The following CPVL variants were observed in gnomAD, a reference collection of about 807,000 sequenced individuals.
CPVL encodes probable serine carboxypeptidase CPVL.
In CPVL, 51 loss-of-function variants were observed where a neutral mutation model predicts 63.7. The ratio of observed to expected loss-of-function variants is 0.80; its 90% CI spans 0.64 to 1.01. The LOEUF is 1.01. CPVL is among the 50% of genes least tolerant of loss of function. CPVL has a pLI of 0.00. For synonymous variants in CPVL, 195 were observed against 206.0 expected, an observed-to-expected ratio of 0.95 and a Z score of 0.46; for missense variants, 530 against 573.1, an observed-to-expected ratio of 0.92 and a Z score of 0.77.
At chr7:29,147,169 T>A, upstream of CPVL, 1 of 665,786 alleles carries the variant, frequency 1.5e-6, no homozygotes, top group Non-Finnish European at 2.5e-6. Flanking sequence ...GTGCTGGGCA[T>A]CGAGCCAGAC....
chr7:29,067,375 AGTTGGAAGT>A (rs1482901596), intron 9 of CPVL, among the ~76,000 whole-genome samples: 1 of 152,200 alleles, frequency 6.6e-6, no homozygotes, highest in African/African-American at 2.4e-5. Context: ...AGGCAGACAC[AGTTGGAAGT>A]GGTCAGAGGC....
chr7:29,093,831 T>C (rs890181457), intron 5 of CPVL, among the ~76,000 whole-genome samples: 4 of 152,176 alleles, frequency 2.6e-5, no homozygotes, highest in African/African-American at 4.8e-5. Context: ...AAAGAGCATG[T>C]TGACATTTTT....
chr7:29,195,147 C>A, exon 1 of CPVL: 1 of 676,438 alleles, frequency 1.5e-6, no homozygotes, highest in Non-Finnish European at 2.3e-6. Flanking sequence ...GGTTCGCCAG[C>A]ACCTCGGTGC....
At chr7:29,194,230 C>T (rs1427412642) in intron 1 of CPVL, 6 of 150,734 alleles carry the variant, frequency 4.0e-5, no homozygotes, top group African/African-American at 4.9e-5. Flanking sequence ...CTAGGAGCAG[C>T]GCTGCGCGCA....
At chr7:29,187,019 G>C (rs2128749794) in intron 1 of CPVL, among the ~76,000 whole-genome samples, 1 of 152,232 alleles carries the variant, frequency 6.6e-6, no homozygotes, top group East Asian at 1.9e-4. Context: ...ATTGTTATGG[G>C]TATATGACAA....
At chr7:29,106,339 G>A (rs577103707) in intron 3 of CPVL, among the ~76,000 whole-genome samples, 1 of 152,202 alleles carries the variant, frequency 6.6e-6, no homozygotes, top group African/African-American at 2.4e-5. Context: ...GGTATATTGT[G>A]TTCATACTGG....
intron 3 of CPVL, among the ~76,000 whole-genome samples, chr7:29,112,351 C>T (rs1788325944): frequency 6.6e-6 from 1 of 152,092 alleles, no homozygotes; most frequent in East Asian, 1.9e-4. Context: ...ACTTCCTATC[C>T]TCCTTGGGCT....
At chr7:29,138,228 C>G (rs1791449148) in intron 1 of CPVL, among the ~76,000 whole-genome samples, 1 of 152,150 alleles carries the variant, frequency 6.6e-6, no homozygotes, top group African/African-American at 2.4e-5. Flanking sequence ...CACCAGAGGT[C>G]AGGAGTTCCA....
At chr7:29,095,913 G>A (rs1403871599) in intron 4 of CPVL, among the ~76,000 whole-genome samples, 190 bp downstream of exon 4, 5 of 152,170 alleles carry the variant, frequency 3.3e-5, no homozygotes, top group African/African-American at 1.2e-4. Context: ...AAGGGAGAAA[G>A]CAGCCCAGTC....
chr7:29,170,558 AT>A (rs769191115), intron 5 of CPVL, among the ~76,000 whole-genome samples: 39 of 152,314 alleles, frequency 2.6e-4, no homozygotes, highest in Admixed American at 5.2e-4. Flanking sequence ...TTCACTGAAT[AT>A]TTTGAAGAAA....
chr7:29,187,331 G>A (rs1392098680), intron 1 of CPVL, among the ~76,000 whole-genome samples: 9 of 150,776 alleles, frequency 6.0e-5, no homozygotes, highest in Non-Finnish European at 1.3e-4. Flanking sequence ...CTAGTGGTGT[G>A]TGTGTTTGTG....
intron 2 of CPVL, 129 bp downstream of exon 2, chr7:29,120,764 T>C (rs1029655161): frequency 4.8e-6 from 4 of 830,282 alleles, no homozygotes; most frequent in Non-Finnish European, 5.5e-6. Flanking sequence ...GAGGTTGCAG[T>C]GAGCTGAGAT....
chr7:29,139,817 C>A (rs1475491634), intron 1 of CPVL, among the ~76,000 whole-genome samples: 3 of 152,084 alleles, frequency 2.0e-5, no homozygotes, highest in Non-Finnish European at 4.4e-5. Flanking sequence ...TACCAACATG[C>A]CAATAGTTAG....
chr7:29,116,378 TA>T (rs1264247153), intron 2 of CPVL, among the ~76,000 whole-genome samples: 1 of 152,260 alleles, frequency 6.6e-6, no homozygotes, highest in Non-Finnish European at 1.5e-5. Context: ...TGCATCCTTC[TA>T]TTAATGGAAT....
intron 12 of CPVL, among the ~76,000 whole-genome samples, chr7:28,998,142 T>G (rs553251000): frequency 1.4e-4 from 22 of 152,216 alleles, no homozygotes; most frequent in Non-Finnish European, 2.4e-4. Context: ...TAGACATTTC[T>G]TCCTGCAGAT....
intron 12 of CPVL, among the ~76,000 whole-genome samples, chr7:29,019,466 T>C (rs1196368316): frequency 6.6e-6 from 1 of 152,156 alleles, no homozygotes; most frequent in Non-Finnish European, 1.5e-5. Context: ...ACAGGGAAAA[T>C]TGCTCCCTCT....
intron 11 of CPVL, among the ~76,000 whole-genome samples, chr7:29,034,274 T>G (rs1245243314): frequency 6.6e-6 from 1 of 152,034 alleles, no homozygotes. Context: ...CCAGCTAATT[T>G]TTTTGTATAT....
At chr7:29,192,357 T>C (rs1404906919) in intron 1 of CPVL, 1 of 152,190 alleles carries the variant, frequency 6.6e-6, no homozygotes, top group Non-Finnish European at 1.5e-5. Context: ...CTTTACTTTC[T>C]CCAGTTAAAA....
At chr7:29,017,840 C>T (rs1773039960) in intron 12 of CPVL, among the ~76,000 whole-genome samples, 1 of 152,180 alleles carries the variant, frequency 6.6e-6, no homozygotes. Flanking sequence ...AGTGGATATG[C>T]TTGTGAAGTA....
Sources: allele counts gnomAD v4.1 joint callset (sites outside exome capture counted in the v4.1 genomes callset), GRCh38; gene constraint gnomAD v4.1.1; transcripts MANE v1.5; gene names NCBI Gene and HGNC (gene_info 2026-07-23, HGNC 2026-07-21).